Variants in CTNND1 observed in about 807,000 individuals in gnomAD.
CTNND1 encodes the protein catenin delta-1.
Under a neutral mutation model 112.1 loss-of-function variants are expected in CTNND1, and 16 were observed. The ratio of observed to expected loss-of-function variants is 0.14; its 90% CI spans 0.10 to 0.22. CTNND1 has a LOEUF of 0.22. CTNND1 is among the 10% of genes least tolerant of loss of function. CTNND1 has a pLI of 1.00. For missense variants in CTNND1, 1,008 were observed against 1,257.0 expected (o/e 0.80, Z 3.00); for synonymous variants, 420 against 446.5 (o/e 0.94, Z 0.75).
chr11:57,795,840 C>A, intron 5 of CTNND1, 111 bp downstream of exon 5: 1 of 1,141,152 alleles, frequency 8.8e-7, no homozygotes, highest in Non-Finnish European at 1.2e-6. Context: ...CATTATTGAT[C>A]TGATTGCATG....
chr11:57,771,972 C>T (rs1405001325), intron 1 of CTNND1, among the ~76,000 whole-genome samples: 7 of 150,846 alleles, frequency 4.6e-5, no homozygotes, highest in Admixed American at 6.6e-5. Context: ...AGGTCTGTCT[C>T]GGCAGTGTTA....
chr11:57,789,827 C>G (rs2060500737), intron 2 of CTNND1, among the ~76,000 whole-genome samples: 1 of 152,200 alleles, frequency 6.6e-6, no homozygotes, highest in Non-Finnish European at 1.5e-5. Context: ...GATGTGGGAA[C>G]TTCCAGCCAT....
Position 57,810,923 on chromosome 11 carries a change from C to T in CTNND1, c.2551-476C>T, listed in dbSNP as rs11570215. Among the ~76,000 whole-genome samples the T allele has an allele frequency of 4.8e-4, 73 of 151,450 alleles. 1 individual carries two copies. The highest frequency in any genetic ancestry group is 1.6e-3 in the African/African-American group (67 of 41,186). On this transcript the variant is annotated intron_variant, in intron 16 of 20. Transcript: ENST00000399050. Reference sequence around the variant, plus strand: ...AGTGAGCCGACATCACACTGCTGCACTCCAGCCTGGGCAACATAGCTAAAC... The same window carrying T: ...AGTGAGCCGACATCACACTGCTGCATTCCAGCCTGGGCAACATAGCTAAAC...
chr11:57,770,408 ACTTT>A (rs1388296906), intron 1 of CTNND1, among the ~76,000 whole-genome samples: 1 of 151,824 alleles, frequency 6.6e-6, no homozygotes, highest in Admixed American at 6.6e-5. Flanking sequence ...TAATCCTAGC[ACTTT>A]GGGAGGCCGA....
chr11:57,772,856 T>G (rs1348972502), intron 1 of CTNND1, among the ~76,000 whole-genome samples: 1 of 151,990 alleles, frequency 6.6e-6, no homozygotes, highest in Non-Finnish European at 1.5e-5. Context: ...CCTCTTTCTC[T>G]CTCTTTCTCT....
Position 57,761,806 on chromosome 11 carries a change from C to G in CTNND1, c.-527C>G, listed in dbSNP as rs1220804105. The G allele has an allele frequency of 1.0e-6, 1 of 985,056 alleles. No homozygotes were observed. The highest frequency in any genetic ancestry group is 1.2e-6 in the Non-Finnish European group (1 of 829,916). 61.0% of individuals were successfully genotyped at this position (985,056 alleles called of 1,614,324 possible). A position where few individuals can be genotyped will look rare whatever the true frequency, so the allele number is the denominator to read the frequency against. On this transcript the variant is annotated 5_prime_UTR_variant, in exon 1 of 21. It adds an upstream start codon to the 5' untranslated region. Coordinates refer to ENST00000399050, the MANE Select transcript of CTNND1 (RefSeq NM_001085458.2). The stretch of plus-strand genomic sequence containing the variant: ...AGCGAAGGGGGTAGGGCTGCCAGAT[C>G]AGTTTGTCACCACCCAGGCTCCCTT...
chr11:57,762,753 C>T (rs561289726), intron 1 of CTNND1, among the ~76,000 whole-genome samples: 2 of 152,192 alleles, frequency 1.3e-5, no homozygotes, highest in Non-Finnish European at 2.9e-5. Context: ...ACCATGTTAA[C>T]TGAATTGCCA....
At chr11:57,806,802 G>T (rs569787101) in intron 11 of CTNND1, 113 bp from the exon 12 acceptor site, 6 of 882,616 alleles carry the variant, frequency 6.8e-6, no homozygotes, top group African/African-American at 3.4e-5. Flanking sequence ...TTTTCCCCTC[G>T]TGGTGCATCT....
intron 6 of CTNND1, among the ~76,000 whole-genome samples, chr11:57,799,559 TG>T (rs2061747248): frequency 6.6e-6 from 1 of 152,236 alleles, no homozygotes; most frequent in South Asian, 2.1e-4. Context: ...CACTGAACCC[TG>T]AGACCTTGGT....
chr11:57,771,368 AG>A (rs1952561055), intron 1 of CTNND1, among the ~76,000 whole-genome samples: 1 of 152,186 alleles, frequency 6.6e-6, no homozygotes, highest in Non-Finnish European at 1.5e-5. Flanking sequence ...AAAAAAGTAA[AG>A]TAGAATGAGT....
In CTNND1 at chr11:57,788,355, G is replaced by C. The variant is rs950091447; in HGVS notation, c.-213-682G>C. 1.3e-5 allele frequency among the ~76,000 whole-genome samples: 2 copies of C among 152,180 alleles called. No individual in the cohort carries two copies. The highest frequency in any genetic ancestry group is 2.9e-5 in the Non-Finnish European group (2 of 68,040). ...GTTGATAGGCGATTATGGGAACTTC[G>C]AGCTGGGGTAGGAGGAATTTAGGGA... On this transcript the variant is annotated intron_variant, in intron 1 of 20. Coordinates refer to ENST00000399050, the MANE Select transcript of CTNND1 (RefSeq NM_001085458.2). The surrounding 1 kb of genome is among the most constrained non-coding windows in gnomAD (Gnocchi z 4.1).
chr11:57,807,658 A>G (rs2062870174), intron 12 of CTNND1, among the ~76,000 whole-genome samples: 1 of 152,004 alleles, frequency 6.6e-6, no homozygotes, highest in South Asian at 2.1e-4. Flanking sequence ...TACTTTACTA[A>G]AAGAAATTTG....
intron 1 of CTNND1, among the ~76,000 whole-genome samples, chr11:57,766,366 T>A (rs1247886719): frequency 6.6e-6 from 1 of 152,210 alleles, no homozygotes; most frequent in South Asian, 2.1e-4. Context: ...ATTTTTTAAA[T>A]CACTGTTTTA....
chr11:57,807,027 C>CA, intron 12 of CTNND1, 44 bp downstream of exon 12: 1 of 1,441,050 alleles, frequency 6.9e-7, no homozygotes, highest in Non-Finnish European at 9.6e-7. Flanking sequence ...AAACATAGTA[C>CA]AAAGATAAGA....
chr11:57,815,245 G>A (rs950750965), intron 18 of CTNND1, 149 bp from the exon 19 acceptor site: 15 of 546,712 alleles, frequency 2.7e-5, no homozygotes, highest in Non-Finnish European at 3.9e-5. Flanking sequence ...AGTTCTTTAA[G>A]TCGGGGACCA....
intron 17 of CTNND1, among the ~76,000 whole-genome samples, chr11:57,813,358 T>G (rs2063593097): frequency 6.6e-6 from 1 of 152,166 alleles, no homozygotes; most frequent in African/African-American, 2.4e-5. Flanking sequence ...AAAAGACTTT[T>G]CTAATGAAAT....
intron 1 of CTNND1, among the ~76,000 whole-genome samples, chr11:57,780,207 C>T (rs2059431248): frequency 6.6e-6 from 1 of 152,014 alleles, no homozygotes; most frequent in South Asian, 2.1e-4. Flanking sequence ...GCACATGCCA[C>T]CACCCCCAGC....
Position 57,804,712 on chromosome 11 carries a change from G to A in CTNND1, c.1654G>A (p.Asp552Asn), listed in dbSNP as rs748901736. 2 of 1,613,950 alleles carry A rather than the reference G, an allele frequency of 1.2e-6. No homozygotes were observed. The highest frequency in any genetic ancestry group is 2.2e-5 in the South Asian group (2 of 91,068). Residue 552 changes from aspartate to asparagine, a missense_variant, in exon 9 of 21, where the codon GAT (aspartate) becomes AAT (asparagine). This residue lies in a region of CTNND1 where 216 missense variants were observed against 342.8 expected (regional missense o/e 0.63). Transcript: ENST00000399050. ...AGCTCGCCGGAAACTTCGGGAATGT[G>A]ATGGTTTAGTTGATGCCCTCATTTT... ...SEARRKLREC[D>N]GLVDALIFIV...
chr11:57,779,610 AGC>A (rs1249485994), intron 1 of CTNND1, among the ~76,000 whole-genome samples: 2 of 152,240 alleles, frequency 1.3e-5, no homozygotes, highest in African/African-American at 4.8e-5. Flanking sequence ...TATGCTGGCT[AGC>A]ACAATCTTTA....
Sources: gnomAD v4.1 joint callset for allele counts (sites outside exome capture counted in the v4.1 genomes callset) on GRCh38, gnomAD v4.1.1 for gene constraint, gnomAD v4.1.1 regional missense constraint, Gnocchi (gnomAD v3.1) non-coding constraint, MANE v1.5 for transcripts, NCBI Gene and HGNC (gene_info 2026-07-23, HGNC 2026-07-21) for gene names.